The following NYAP2 variants were observed in gnomAD, a reference collection of about 807,000 sequenced individuals.
NYAP2 encodes the protein neuronal tyrosine-phosphorylated phosphoinositide-3-kinase adaptor 2, also known as neuronal tyrosine-phosphorylated phosphoinositide-3-kinase adapter 2.
NYAP2 carries 23 observed loss-of-function variants against 50.4 expected under a neutral mutation model. The ratio of observed to expected loss-of-function variants is 0.46; its 90% confidence interval spans 0.33 to 0.65. NYAP2 has a LOEUF of 0.65. Among genes scored for constraint, NYAP2 ranks in the 30% least tolerant of loss-of-function variants. The pLI is 0.02. For missense variants in NYAP2, 885 were observed against 861.0 expected (o/e 1.03, Z -0.35); for synonymous variants, 394 against 365.2 (o/e 1.08, Z -0.90).
chr2:225,469,921 G>C (rs796784273), intron 3 of NYAP2, among the ~76,000 whole-genome samples: 10 of 152,206 alleles, frequency 6.6e-5, no homozygotes, highest in African/African-American at 2.4e-4. Flanking sequence ...AATGGGTGCA[G>C]CAAACCACCA....
chr2:225,480,869 C>T lies in NYAP2; in HGVS notation c.222-32502C>T, dbSNP rs369863519. ...TAGTTGCTATACTTTAGTCCAACAA[C>T]ATGATCCATGTATCCAGATATTTTC... is the stretch of plus-strand genomic sequence containing the variant. On this transcript the variant is annotated intron_variant, in intron 3 of 6. Coordinates refer to ENST00000636099, the Ensembl canonical transcript of NYAP2. 3.7e-3 allele frequency among the ~76,000 whole-genome samples: 560 copies of T among 152,222 alleles called. 5 individuals carry two copies. Among genetic ancestry groups the T allele is most frequent in the African/African-American group, 0.012 (480 of 41,566 alleles).
intron 3 of NYAP2, 121 bp downstream of exon 3, chr2:225,409,222 G>C (rs1030750201): frequency 7.2e-6 from 5 of 695,026 alleles, no homozygotes; most frequent in Admixed American, 5.8e-5. Context: ...GACTTGGTGA[G>C]AGCATATGAA....
chr2:225,503,268 G>C (rs1362031065), intron 3 of NYAP2, among the ~76,000 whole-genome samples: 2 of 152,128 alleles, frequency 1.3e-5, no homozygotes, highest in Non-Finnish European at 2.9e-5. Context: ...CCCACGATGT[G>C]AACTTCTGTA....
intron 5 of NYAP2, among the ~76,000 whole-genome samples, chr2:225,618,227 G>A (rs1273895075): frequency 6.6e-6 from 1 of 152,110 alleles, no homozygotes; most frequent in African/African-American, 2.4e-5. Flanking sequence ...TAAAACCAAG[G>A]CACCCACATG....
At chr2:225,443,422 G>A (rs1231048774) in intron 3 of NYAP2, among the ~76,000 whole-genome samples, 1 of 152,024 alleles carries the variant, frequency 6.6e-6, no homozygotes, top group African/African-American at 2.4e-5. Flanking sequence ...CCCCAGACAC[G>A]CAGCTCTGGG....
intron 5 of NYAP2, among the ~76,000 whole-genome samples, chr2:225,619,730 T>A (rs1043920579): frequency 6.6e-6 from 1 of 152,190 alleles, no homozygotes; most frequent in Admixed American, 6.5e-5. Context: ...TGAGGTGTGA[T>A]GGATTAGAAT....
rs111916924 is a variant in NYAP2 at position 225,402,348 on chromosome 2, C to T, written c.-18+1305C>T. 3.0e-3 allele frequency among the ~76,000 whole-genome samples: 456 copies of T among 152,086 alleles called. 3 individuals are homozygous for T. The highest frequency in any genetic ancestry group is 9.9e-3 in the African/African-American group (410 of 41,532). On this transcript the variant is annotated intron_variant, in intron 2 of 6. Transcript: ENST00000636099. ...GACTCCCAATTCAATTAGATGGTTC[C>T]CACTGTAGCTCCAGTCAGCAATTTA...
rs1023867712 is a variant in NYAP2, at chr2:225,582,047, G to A, written c.630G>A (p.Thr210=). 4 of 1,613,854 alleles carry A rather than the reference G, an allele frequency of 2.5e-6. No homozygotes were observed. Among genetic ancestry groups the A allele is most frequent in the South Asian group, 1.1e-5 (1 of 91,084 alleles). The change falls in exon 5 of 7, where the codon ACG becomes ACA. Residue 210 remains threonine, a synonymous_variant. Transcript: ENST00000636099. The surrounding 1 kb of genome is among the most constrained non-coding windows in gnomAD (Gnocchi z 7.0). ...AGCTGAGCACATCTTTCGATGAAAC[G>A]TACATCAAAAAGCATGGGCCCCGGA... is the stretch of plus-strand genomic sequence containing the variant.
chr2:225,638,149 CGTGTGTTTGTGTGTGT>C (rs1285194904), intron 6 of NYAP2, among the ~76,000 whole-genome samples: 6 of 102,898 alleles, frequency 5.8e-5, no homozygotes, highest in African/African-American at 2.2e-4. Context: ...TAAACAGACT[CGTGTGTTTGTGTGTGT>C]GTGTGTGTGT....
chr2:225,612,392 A>T (rs1692904398), intron 5 of NYAP2, among the ~76,000 whole-genome samples: 1 of 152,080 alleles, frequency 6.6e-6, no homozygotes, highest in African/African-American at 2.4e-5. Flanking sequence ...TTGTTTAGAT[A>T]GACTTGCATT....
Position 225,582,377 on chromosome 2 carries a change from C to A in NYAP2, c.960C>A (p.Cys320Ter). 1 of 1,611,188 alleles carries A rather than the reference C, an allele frequency of 6.2e-7. No individual in the cohort carries two copies. The highest frequency in any genetic ancestry group is 8.5e-7 in the Non-Finnish European group (1 of 1,177,726). Residue 320 changes from cysteine to a stop codon, truncating the protein, a stop_gained, in exon 5 of 7, where the codon TGC (cysteine) becomes TGA (stop). Transcript: ENST00000636099. LOFTEE classifies it high-confidence loss of function. The surrounding 1 kb of genome is among the most constrained non-coding windows in gnomAD (Gnocchi z 7.0). ...CATGCCCCCCCAAGGGGCTGCTTTGCGACATCCCTCCGCCCTTCCCCAACC... is the reference window on the plus strand; with the variant it reads ...CATGCCCCCCCAAGGGGCTGCTTTGAGACATCCCTCCGCCCTTCCCCAACC...
At chr2:225,613,844 G>A (rs1692940726) in intron 5 of NYAP2, among the ~76,000 whole-genome samples, 1 of 151,972 alleles carries the variant, frequency 6.6e-6, no homozygotes, top group African/African-American at 2.4e-5. Context: ...GTAGTAGAAA[G>A]GAGAATTAAA....
the NYAP2 span, among the ~76,000 whole-genome samples, chr2:225,666,176 G>T: frequency 6.6e-6 from 1 of 152,150 alleles, no homozygotes; most frequent in South Asian, 2.1e-4. Context: ...CTACTTTAAT[G>T]CCAAATTGTT....
chr2:225,463,866 G>C (rs1559186810), intron 3 of NYAP2, among the ~76,000 whole-genome samples: 1 of 152,210 alleles, frequency 6.6e-6, no homozygotes, highest in Admixed American at 6.5e-5. Flanking sequence ...AACTCTGCTT[G>C]TGTGGAGGGG....
chr2:225,442,220 G>A (rs1462393757), intron 3 of NYAP2, among the ~76,000 whole-genome samples: 1 of 152,094 alleles, frequency 6.6e-6, no homozygotes, highest in Non-Finnish European at 1.5e-5. Context: ...GATTAGCCAT[G>A]GAAAAATACA....
intron 4 of NYAP2, among the ~76,000 whole-genome samples, chr2:225,560,163 A>G (rs896463235): frequency 1.1e-4 from 17 of 152,236 alleles, no homozygotes; most frequent in East Asian, 1.9e-4. Flanking sequence ...ACACTTACAT[A>G]TATATGCATA....
intron 5 of NYAP2, among the ~76,000 whole-genome samples, chr2:225,596,055 A>T (rs76103251): frequency 6.6e-6 from 1 of 152,046 alleles, no homozygotes; most frequent in Non-Finnish European, 1.5e-5. Context: ...GGCTCTGGCT[A>T]TGTTGCCCAG....
At chr2:225,669,825 A>G in the NYAP2 span, among the ~76,000 whole-genome samples, 1 of 152,218 alleles carries the variant, frequency 6.6e-6, no homozygotes, top group African/African-American at 2.4e-5. Flanking sequence ...CGTTCTGTCC[A>G]GCAGTCAGAT....
chr2:225,454,394 A>G (rs924114428), intron 3 of NYAP2, among the ~76,000 whole-genome samples: 9 of 152,218 alleles, frequency 5.9e-5, no homozygotes, highest in Non-Finnish European at 1.3e-4. Flanking sequence ...TACTGTCAAT[A>G]AATCTCAATA....
Sources: gnomAD v4.1 joint callset for allele counts (sites outside exome capture counted in the v4.1 genomes callset) on GRCh38, gnomAD v4.1.1 for gene constraint, Gnocchi (gnomAD v3.1) non-coding constraint, MANE v1.5 for transcripts, NCBI Gene and HGNC (gene_info 2026-07-23, HGNC 2026-07-21) for gene names.